MGAT4C: variants seen among roughly 807,000 people sequenced by gnomAD.
MGAT4C encodes MGAT4 family member C, also known as alpha-1,3-mannosyl-glycoprotein 4-beta-N-acetylglucosaminyltransferase C.
A neutral mutation model predicts 40.1 loss-of-function variants in MGAT4C; 19 were observed. That is an observed-to-expected ratio of 0.47 (90% CI 0.33 to 0.70). The LOEUF (loss-of-function observed/expected upper bound fraction) is 0.70. MGAT4C is among the 30% of genes least tolerant of loss of function. The pLI, the probability that MGAT4C is intolerant of heterozygous loss-of-function variation, is 0.02. For synonymous variants in MGAT4C, 181 were observed against 187.1 expected (o/e 0.97, Z 0.27); for missense variants, 491 against 563.2 (o/e 0.87, Z 1.30).
chr12:86,058,217 T>C (rs1893590250), intron 1 of MGAT4C, among the ~76,000 whole-genome samples: 1 of 152,100 alleles, frequency 6.6e-6, no homozygotes, highest in African/African-American at 2.4e-5. Context: ...ATAAATCTGC[T>C]AGAAAGAGAT....
chr12:86,720,877 T>A (rs1950725082), intron 2 of MGAT4C, among the ~76,000 whole-genome samples: 1 of 152,032 alleles, frequency 6.6e-6, no homozygotes, highest in Non-Finnish European at 1.5e-5. Context: ...AGATACATGG[T>A]GGTTGAGAGT....
At chr12:86,812,734 G>A (rs898892972) in intron 1 of MGAT4C, among the ~76,000 whole-genome samples, 4 of 151,980 alleles carry the variant, frequency 2.6e-5, no homozygotes, top group Admixed American at 2.6e-4. Flanking sequence ...CTTTTCTTAG[G>A]GGAAGAGTCT....
intron 2 of MGAT4C, among the ~76,000 whole-genome samples, chr12:86,468,090 T>G (rs577421749): frequency 1.3e-5 from 2 of 152,162 alleles, no homozygotes; most frequent in South Asian, 4.1e-4. Context: ...CAAAAATTAT[T>G]TCTTTAACTC....
intron 1 of MGAT4C, among the ~76,000 whole-genome samples, chr12:86,170,820 G>A: frequency 6.6e-6 from 1 of 151,990 alleles, no homozygotes; most frequent in Non-Finnish European, 1.5e-5. Flanking sequence ...GGGCATGTTA[G>A]TGTGCGCCTG....
intron 2 of MGAT4C, among the ~76,000 whole-genome samples, chr12:86,514,769 A>G (rs1958654708): frequency 6.6e-6 from 1 of 152,130 alleles, no homozygotes; most frequent in African/African-American, 2.4e-5. Flanking sequence ...TCATGTAATC[A>G]TTGGTTCCAG....
At chr12:86,717,403 T>TG (rs1950661728) in intron 2 of MGAT4C, among the ~76,000 whole-genome samples, 1 of 152,174 alleles carries the variant, frequency 6.6e-6, no homozygotes, top group African/African-American at 2.4e-5. Flanking sequence ...CTAACCCCTT[T>TG]GTTCCTTTTC....
intron 1 of MGAT4C, among the ~76,000 whole-genome samples, chr12:86,077,054 C>A (rs1341430060): frequency 6.6e-6 from 1 of 152,034 alleles, no homozygotes; most frequent in Non-Finnish European, 1.5e-5. Context: ...TAGATTGTGC[C>A]CACCTAGATT....
chr12:86,113,970 A>G (rs1877908324), intron 1 of MGAT4C, among the ~76,000 whole-genome samples: 1 of 151,906 alleles, frequency 6.6e-6, no homozygotes, highest in African/African-American at 2.4e-5. Context: ...AAATCTTAGC[A>G]GTCCAAAGCA....
At chr12:86,341,705 G>A (rs1954909682) in intron 3 of MGAT4C, among the ~76,000 whole-genome samples, 2 of 152,144 alleles carry the variant, frequency 1.3e-5, no homozygotes, top group South Asian at 4.1e-4. Context: ...AGCCAACCCA[G>A]GGCAGATGGG....
chr12:86,013,346 C>A (rs73392052), intron 2 of MGAT4C, among the ~76,000 whole-genome samples: 1 of 152,008 alleles, frequency 6.6e-6, no homozygotes, highest in African/African-American at 2.4e-5. Context: ...CTCCGCCTCC[C>A]GGGTTCACGA....
chr12:86,408,431 T>C (rs961204042), intron 3 of MGAT4C, among the ~76,000 whole-genome samples: 2 of 137,852 alleles, frequency 1.5e-5, no homozygotes, highest in Non-Finnish European at 3.1e-5. Context: ...CTGGAATAAA[T>C]TGTTATTACA....
intron 2 of MGAT4C, among the ~76,000 whole-genome samples, chr12:86,458,186 A>T (rs1002816015): frequency 3.3e-5 from 5 of 152,172 alleles, no homozygotes; most frequent in Non-Finnish European, 7.4e-5. Flanking sequence ...TTAGAAGAAA[A>T]TAAAAAAATA....
intron 1 of MGAT4C, among the ~76,000 whole-genome samples, chr12:86,113,885 A>G (rs961393166): frequency 6.6e-6 from 1 of 151,968 alleles, no homozygotes; most frequent in Non-Finnish European, 1.5e-5. Flanking sequence ...GAGAGACTGG[A>G]AAAGTCTCAA....
intron 2 of MGAT4C, among the ~76,000 whole-genome samples, chr12:86,719,237 C>A (rs1950699545): frequency 6.6e-6 from 1 of 152,152 alleles, no homozygotes; most frequent in Non-Finnish European, 1.5e-5. Flanking sequence ...TTTCAAATGT[C>A]TCATATATTG....
chr12:86,383,721 T>G (rs1955998241), intron 3 of MGAT4C, among the ~76,000 whole-genome samples: 1 of 152,076 alleles, frequency 6.6e-6, no homozygotes. Flanking sequence ...CTAACTTGGT[T>G]TTGATTTTAC....
At chr12:86,154,897 G>A (rs1007574199) in intron 1 of MGAT4C, among the ~76,000 whole-genome samples, 4 of 152,234 alleles carry the variant, frequency 2.6e-5, no homozygotes, top group Middle Eastern at 3.4e-3. Context: ...AGACAGCTAT[G>A]TCCATGGAGC....
intron 2 of MGAT4C, among the ~76,000 whole-genome samples, chr12:86,596,598 A>C (rs1961547161): frequency 6.6e-6 from 1 of 152,136 alleles, no homozygotes; most frequent in Admixed American, 6.6e-5. Context: ...AAAGGTTTTT[A>C]AGGAATAATG....
chr12:86,693,197 C>T (rs989622048), intron 2 of MGAT4C, among the ~76,000 whole-genome samples: 2 of 152,168 alleles, frequency 1.3e-5, no homozygotes, highest in African/African-American at 4.8e-5. Flanking sequence ...GAAGGCAGAC[C>T]TGGAAGGTGC....
chr12:86,294,976 T>C (rs1953624605), intron 4 of MGAT4C, among the ~76,000 whole-genome samples: 2 of 152,176 alleles, frequency 1.3e-5, no homozygotes, highest in Non-Finnish European at 1.5e-5. Context: ...ATAAATCTTC[T>C]TCAATAATTC....
Sources: gnomAD v4.1 joint callset for allele counts (sites outside exome capture counted in the v4.1 genomes callset) on GRCh38, gnomAD v4.1.1 for gene constraint, MANE v1.5 for transcripts, NCBI Gene and HGNC (gene_info 2026-07-23, HGNC 2026-07-21) for gene names.